POFUT3: variants seen among roughly 807,000 people sequenced by gnomAD.
POFUT3 encodes the protein protein O-fucosyltransferase 3.
the POFUT3 span, among the ~76,000 whole-genome samples, chr8:33,312,109 A>G: frequency 3.9e-5 from 6 of 152,054 alleles, no homozygotes; most frequent in Admixed American, 1.3e-4. Context: ...TAAAAGTACA[A>G]AAATTAGCCA....
the POFUT3 span, among the ~76,000 whole-genome samples, chr8:33,437,216 G>C: frequency 9.9e-5 from 15 of 152,006 alleles, no homozygotes; most frequent in African/African-American, 3.6e-4. Context: ...ACAGTGCTAT[G>C]ATGAACATGC....
the POFUT3 span, among the ~76,000 whole-genome samples, chr8:33,375,330 A>C: frequency 6.6e-6 from 1 of 152,338 alleles, no homozygotes; most frequent in African/African-American, 2.4e-5. Context: ...ACAGAAGAGA[A>C]AAAAAGAAAA....
At chr8:33,470,807 A>G in the POFUT3 span, among the ~76,000 whole-genome samples, 1 of 152,232 alleles carries the variant, frequency 6.6e-6, no homozygotes, top group Admixed American at 6.5e-5. Context: ...GACTAAAGAC[A>G]AATCCCTGAG....
At chr8:33,359,234 A>T in the POFUT3 span, among the ~76,000 whole-genome samples, 1 of 152,234 alleles carries the variant, frequency 6.6e-6, no homozygotes, top group Non-Finnish European at 1.5e-5. Flanking sequence ...TAGTATTCTT[A>T]CATCTTTTTT....
the POFUT3 span, among the ~76,000 whole-genome samples, chr8:33,364,201 G>T: frequency 5.3e-5 from 8 of 151,978 alleles, no homozygotes; most frequent in Admixed American, 5.2e-4. Context: ...TGCAGAAAAG[G>T]CCTTTGACAA....
the POFUT3 span, among the ~76,000 whole-genome samples, chr8:33,332,476 C>A: frequency 7.4e-6 from 1 of 134,316 alleles, no homozygotes; most frequent in Admixed American, 8.0e-5. Context: ...CAGAGCAAGA[C>A]TCTGTCTGAA....
At chr8:33,452,873 T>A in the POFUT3 span, 1 of 243,090 alleles carries the variant, frequency 4.1e-6, no homozygotes, top group Admixed American at 5.0e-5. Flanking sequence ...TTTTTGTGAA[T>A]GTAATGGAAA....
At chr8:33,327,003 C>A in the POFUT3 span, among the ~76,000 whole-genome samples, 39,597 of 152,032 alleles carry the variant, frequency 0.26, 5,496 homozygotes, top group South Asian at 0.5. Flanking sequence ...GTCTTGAATG[C>A]CTGGCCTTAA....
chr8:33,394,725 T>A, the POFUT3 span, among the ~76,000 whole-genome samples: 1 of 151,706 alleles, frequency 6.6e-6, no homozygotes, highest in Non-Finnish European at 1.5e-5. Flanking sequence ...AATGCTCATA[T>A]AAATCCATCT....
chr8:33,429,220 G>A, the POFUT3 span, among the ~76,000 whole-genome samples: 286 of 152,160 alleles, frequency 1.9e-3, 1 homozygote, highest in African/African-American at 6.7e-3. Context: ...AGATGAATTC[G>A]GCCCAATATT....
chr8:33,463,666 T>C, the POFUT3 span, among the ~76,000 whole-genome samples: 4 of 152,016 alleles, frequency 2.6e-5, no homozygotes, highest in Non-Finnish European at 1.5e-5. Flanking sequence ...CACCTCAGCC[T>C]CCCGAGTAGC....
the POFUT3 span, among the ~76,000 whole-genome samples, chr8:33,368,163 G>A: frequency 6.6e-6 from 1 of 152,156 alleles, no homozygotes; most frequent in African/African-American, 2.4e-5. Flanking sequence ...GTATATAGCA[G>A]AGAAGAAGCC....
chr8:33,311,765 C>T, the POFUT3 span, among the ~76,000 whole-genome samples: 1 of 152,106 alleles, frequency 6.6e-6, no homozygotes, highest in Non-Finnish European at 1.5e-5. Flanking sequence ...TTCATTCATT[C>T]AAGCTTCAGA....
the POFUT3 span, among the ~76,000 whole-genome samples, chr8:33,351,588 G>A: frequency 6.6e-6 from 1 of 152,134 alleles, no homozygotes; most frequent in Non-Finnish European, 1.5e-5. Context: ...CTTCCACCAA[G>A]AGTGGAAGCA....
At chr8:33,339,282 C>T in the POFUT3 span, among the ~76,000 whole-genome samples, 3 of 151,936 alleles carry the variant, frequency 2.0e-5, no homozygotes, top group Admixed American at 6.6e-5. Flanking sequence ...AACATACAAC[C>T]GTGAGTATAA....
chr8:33,343,140 T>C, the POFUT3 span, among the ~76,000 whole-genome samples: 1 of 151,744 alleles, frequency 6.6e-6, no homozygotes, highest in Non-Finnish European at 1.5e-5. Flanking sequence ...AAAGAAAACT[T>C]ACTTTCACGC....
chr8:33,446,707 A>T, the POFUT3 span, among the ~76,000 whole-genome samples: 2 of 152,308 alleles, frequency 1.3e-5, no homozygotes, highest in East Asian at 3.9e-4. Flanking sequence ...AGCAATAAAC[A>T]TCAGTACTCC....
At chr8:33,472,510 G>T in the POFUT3 span, among the ~76,000 whole-genome samples, 1 of 152,192 alleles carries the variant, frequency 6.6e-6, no homozygotes, top group East Asian at 1.9e-4. Flanking sequence ...TGCGGTTGCC[G>T]GTGCTTTCCT....
At chr8:33,312,857 C>A in the POFUT3 span, among the ~76,000 whole-genome samples, 1 of 152,128 alleles carries the variant, frequency 6.6e-6, no homozygotes, top group Non-Finnish European at 1.5e-5. Flanking sequence ...TAGACATTTG[C>A]AATTTCCAAA....
Sources: allele counts gnomAD v4.1 joint callset (sites outside exome capture counted in the v4.1 genomes callset), GRCh38; gene constraint gnomAD v4.1.1; transcripts MANE v1.5; gene names NCBI Gene and HGNC (gene_info 2026-07-23, HGNC 2026-07-21).